MYO1E: variants seen among roughly 807,000 people sequenced by gnomAD.
MYO1E encodes the protein unconventional myosin-Ie.
Under a neutral mutation model 151.1 loss-of-function variants are expected in MYO1E, and 68 were observed. That is an observed-to-expected ratio of 0.45 (90% CI 0.37 to 0.55). The LOEUF (loss-of-function observed/expected upper bound fraction) is 0.55. MYO1E is among the 20% of genes least tolerant of loss of function. MYO1E has a pLI of 0.00. For missense variants in MYO1E, 1,363 were observed against 1,389.3 expected (o/e 0.98, Z 0.30); for synonymous variants, 601 against 501.7 (o/e 1.20, Z -2.64).
At chr15:59,184,903 C>T (rs1362015420) in intron 18 of MYO1E, among the ~76,000 whole-genome samples, 1 of 152,206 alleles carries the variant, frequency 6.6e-6, no homozygotes, top group Non-Finnish European at 1.5e-5. Context: ...TACATTCCCA[C>T]CAACAGCATA....
chr15:59,222,348 T>C (rs1159193216), intron 9 of MYO1E, among the ~76,000 whole-genome samples: 2 of 152,218 alleles, frequency 1.3e-5, no homozygotes, highest in Non-Finnish European at 2.9e-5. Context: ...AAGCTGTTGA[T>C]GCCTAAGAGG....
At chr15:59,142,893 G>A (rs2079418946) in intron 26 of MYO1E, among the ~76,000 whole-genome samples, 1 of 136,518 alleles carries the variant, frequency 7.3e-6, no homozygotes, top group Non-Finnish European at 1.5e-5. Context: ...ATATTATCCT[G>A]GAAACTCTAG....
At chr15:59,274,250 T>C (rs1169664437) in intron 1 of MYO1E, among the ~76,000 whole-genome samples, 4 of 152,182 alleles carry the variant, frequency 2.6e-5, no homozygotes, top group Non-Finnish European at 4.4e-5. Flanking sequence ...AAACTCTCTA[T>C]ATCTGGCATT....
At chr15:59,300,391 C>T (rs766949738) in intron 1 of MYO1E, among the ~76,000 whole-genome samples, 2 of 152,140 alleles carry the variant, frequency 1.3e-5, no homozygotes, top group African/African-American at 2.4e-5. Context: ...TGCACACACA[C>T]CCCCATTCCC....
chr15:59,168,891 G>A (rs1026617279), intron 22 of MYO1E, among the ~76,000 whole-genome samples: 69 of 152,104 alleles, frequency 4.5e-4, no homozygotes, highest in African/African-American at 1.6e-3. Context: ...CAAAGTGCTG[G>A]GATTACAGGC....
At chr15:59,139,503 A>G (rs1454656667) in intron 26 of MYO1E, among the ~76,000 whole-genome samples, 2 of 133,530 alleles carry the variant, frequency 1.5e-5, no homozygotes, top group African/African-American at 2.9e-5. Context: ...CCACCCCCTT[A>G]TTACTCTGCA....
intron 1 of MYO1E, among the ~76,000 whole-genome samples, chr15:59,340,479 T>A (rs2080758533): frequency 6.6e-6 from 1 of 152,158 alleles, no homozygotes; most frequent in African/African-American, 2.4e-5. Flanking sequence ...GGAGGAAAAT[T>A]GTCAGGAAAA....
In MYO1E at chr15:59,236,369, T is replaced by A. The variant is rs12910844; in HGVS notation, c.420+216A>T. On this transcript the variant is annotated intron_variant, in intron 5 of 27. Coordinates refer to ENST00000288235, the MANE Select transcript of MYO1E (RefSeq NM_004998.4). ...TCAAAAAAGAAAAAAAAAAAATATA[T>A]ACACACACACACACACACACACACA... 1.8e-3 allele frequency among the ~76,000 whole-genome samples: 217 copies of A among 117,730 alleles called. 10 individuals carry two copies. Among genetic ancestry groups the A allele is most frequent in the South Asian group, 3.6e-3 (12 of 3,372 alleles). The allele number at this position is 117,730 out of a possible 152,430, so 77.2% of individuals were successfully genotyped here.
At chr15:59,140,402 G>T (rs189168660) in intron 26 of MYO1E, among the ~76,000 whole-genome samples, 3 of 152,110 alleles carry the variant, frequency 2.0e-5, no homozygotes, top group Admixed American at 2.0e-4. Context: ...AAAGGAAAAC[G>T]GAAACATGGA....
chr15:59,165,743 A>T (rs1272900399), intron 22 of MYO1E, among the ~76,000 whole-genome samples: 2 of 152,226 alleles, frequency 1.3e-5, no homozygotes, highest in African/African-American at 4.8e-5. Flanking sequence ...ATTTTGAATT[A>T]ATAAAGTCTA....
rs1411415711 is a variant in MYO1E at position 59,174,220 on chromosome 15, C to T, written c.2070G>A (p.Met690Ile). The part of the protein sequence containing the change: ...APESLFLLEE[M>I]RERKYDGYAR... The stretch of plus-strand genomic sequence containing the variant: ...CATACCCATCATACTTTCTCTCTCT[C>T]ATCTCTTCTAAAAGAAATAGCTGTG... Residue 690 changes from methionine to isoleucine, a missense_variant, in exon 20 of 28, where the codon ATG (methionine) becomes ATA (isoleucine). Transcript: ENST00000288235. 6.2e-7 allele frequency: 1 copy of T among 1,613,482 alleles called. No homozygotes were observed. The highest frequency in any genetic ancestry group is 1.1e-5 in the South Asian group (1 of 91,058).
At chr15:59,217,541 T>TTTTTTG (rs869248178) in intron 10 of MYO1E, among the ~76,000 whole-genome samples, 3 of 141,338 alleles carry the variant, frequency 2.1e-5, no homozygotes, top group Admixed American at 7.0e-5. Context: ...TTTTTTTTTT[T>TTTTTTG]GGGAGATAGG....
intron 9 of MYO1E, among the ~76,000 whole-genome samples, chr15:59,220,200 G>A (rs1253277519): frequency 6.6e-6 from 1 of 152,220 alleles, no homozygotes; most frequent in Admixed American, 6.5e-5. Context: ...TCTAATTACT[G>A]CACTTTGGGA....
At chr15:59,311,378 C>T (rs755097068) in intron 1 of MYO1E, among the ~76,000 whole-genome samples, 10 of 152,034 alleles carry the variant, frequency 6.6e-5, no homozygotes, top group Admixed American at 2.0e-4. Flanking sequence ...AATCTAATGC[C>T]GCCACTGATC....
chr15:59,320,707 T>G (rs566531127), intron 1 of MYO1E, among the ~76,000 whole-genome samples: 1 of 152,294 alleles, frequency 6.6e-6, no homozygotes, highest in South Asian at 2.1e-4. Flanking sequence ...AAGATTTAAA[T>G]GTAAGACCTC....
At chr15:59,297,702 C>A (rs1318312847) in intron 1 of MYO1E, among the ~76,000 whole-genome samples, 3 of 151,734 alleles carry the variant, frequency 2.0e-5, no homozygotes, top group Non-Finnish European at 4.4e-5. Context: ...CCACCTCAGC[C>A]CTGGAGTAGC....
At chr15:59,200,285 G>C (rs969406902) in intron 16 of MYO1E, among the ~76,000 whole-genome samples, 3 of 152,184 alleles carry the variant, frequency 2.0e-5, no homozygotes, top group Non-Finnish European at 4.4e-5. Flanking sequence ...TTCCAGCCCA[G>C]AGTTAATCCT....
chr15:59,267,080 C>G (rs1181267136), intron 2 of MYO1E, among the ~76,000 whole-genome samples: 1 of 122,756 alleles, frequency 8.1e-6, no homozygotes. Context: ...GGCCGGAGTG[C>G]AGTGGTGCAA....
chr15:59,195,180 C>T (rs935028935), intron 17 of MYO1E, among the ~76,000 whole-genome samples: 4 of 152,144 alleles, frequency 2.6e-5, no homozygotes, highest in African/African-American at 7.2e-5. Flanking sequence ...CATGACTCTG[C>T]GGTATGAGGT....
Sources: allele counts gnomAD v4.1 joint callset (sites outside exome capture counted in the v4.1 genomes callset), GRCh38; gene constraint gnomAD v4.1.1; transcripts MANE v1.5; gene names NCBI Gene and HGNC (gene_info 2026-07-23, HGNC 2026-07-21).